The following CMKLR2 variants were observed in gnomAD, a reference collection of about 807,000 sequenced individuals.
The protein encoded by CMKLR2 is chemerin-like receptor 2.
In CMKLR2, 18 loss-of-function variants were observed where a neutral mutation model predicts 23.0. The ratio of observed to expected loss-of-function variants is 0.78; its 90% confidence interval spans 0.54 to 1.16. The LOEUF is 1.16. CMKLR2 is among the 50% of genes most tolerant of loss of function. The pLI, the probability that CMKLR2 is intolerant of heterozygous loss-of-function variation, is 0.00. For synonymous variants in CMKLR2, 158 were observed against 158.9 expected, an observed-to-expected ratio of 0.99 and a Z score of 0.05; for missense variants, 401 against 412.7, an observed-to-expected ratio of 0.97 and a Z score of 0.25.
intron 1 of CMKLR2, among the ~76,000 whole-genome samples, chr2:206,209,499 C>T (rs1241279388): frequency 6.6e-6 from 1 of 152,090 alleles, no homozygotes; most frequent in Admixed American, 6.6e-5. Context: ...TTAAGCCCAG[C>T]ATCCGTTAGC....
At chr2:206,192,287 TA>T (rs555226654) in intron 1 of CMKLR2, among the ~76,000 whole-genome samples, 28 of 147,134 alleles carry the variant, frequency 1.9e-4, no homozygotes, top group African/African-American at 2.5e-4. Flanking sequence ...GCGTTCTCTT[TA>T]AAAAAAAAAA....
At chr2:206,183,569 A>G (rs969732253) in intron 1 of CMKLR2, among the ~76,000 whole-genome samples, 2 of 152,202 alleles carry the variant, frequency 1.3e-5, no homozygotes, top group Non-Finnish European at 2.9e-5. Flanking sequence ...GCAGATGAAC[A>G]CATTAGATTT....
intron 1 of CMKLR2, among the ~76,000 whole-genome samples, chr2:206,201,844 A>G (rs1183269446): frequency 6.6e-6 from 1 of 152,134 alleles, no homozygotes; most frequent in Non-Finnish European, 1.5e-5. Context: ...GAGAGAAACT[A>G]TATCATGTGA....
In CMKLR2 at chr2:206,176,394, C is replaced by G. The variant is rs777891254; in HGVS notation, c.854G>C (p.Gly285Ala). 1 of 1,614,140 alleles carries G rather than the reference C, an allele frequency of 6.2e-7. No individual in the cohort carries two copies. The highest frequency in any genetic ancestry group is 8.5e-7 in the Non-Finnish European group (1 of 1,180,036). ...TGCCAAACCAGTGGAGAGGGGGATT[C>G]CAGCCTGCATCACATGGTGGGAATA... ...NSYSHHVMQA[G>A]IPLSTGLAFL... The change falls in exon 2 of 2, where the codon GGA (glycine) becomes GCA (alanine). Residue 285 changes from glycine to alanine, a missense_variant. Physicochemically the swap from Gly to Ala is moderately conservative, Grantham distance 60 (BLOSUM62 0). Coordinates refer to ENST00000621141, the MANE Select transcript of CMKLR2 (RefSeq NM_001389445.1).
rs113627733 is a variant in CMKLR2 at position 206,196,939 on chromosome 2, T to C, written c.-29+16368A>G. 6.5e-3 allele frequency among the ~76,000 whole-genome samples: 991 copies of C among 152,134 alleles called. 15 individuals carry two copies. Among genetic ancestry groups the C allele is most frequent in the African/African-American group, 0.023 (947 of 41,502 alleles). ...TTTGTTTGTTTTTTAGACCAAGTCT[T>C]GCTCTGTTGCCTTGGCTGGAGTGCA... On this transcript the variant is annotated intron_variant, in intron 1 of 1. Coordinates refer to ENST00000621141, the MANE Select transcript of CMKLR2 (RefSeq NM_001389445.1).
intron 1 of CMKLR2, among the ~76,000 whole-genome samples, chr2:206,201,212 T>G (rs1029914023): frequency 4.6e-5 from 7 of 152,162 alleles, no homozygotes; most frequent in African/African-American, 1.7e-4. Flanking sequence ...GTGCTGGGAT[T>G]ATAGGTGTGA....
chr2:206,191,120 G>A (rs1158248635), intron 1 of CMKLR2, among the ~76,000 whole-genome samples: 1 of 152,188 alleles, frequency 6.6e-6, no homozygotes, highest in Non-Finnish European at 1.5e-5. Flanking sequence ...GAATTAGACT[G>A]CCTGCTCTCA....
chr2:206,214,280 T>A (rs555106849), upstream of CMKLR2, among the ~76,000 whole-genome samples: 74 of 151,246 alleles, frequency 4.9e-4, 1 homozygote, highest in African/African-American at 1.6e-3. Flanking sequence ...CAAGGAATTA[T>A]CCTGCGTCAG....
At chr2:206,182,713 C>T (rs539836346) in intron 1 of CMKLR2, among the ~76,000 whole-genome samples, 27 of 152,062 alleles carry the variant, frequency 1.8e-4, no homozygotes, top group South Asian at 1.2e-3. Flanking sequence ...CTTTGTCCCC[C>T]GAGTTCAAGT....
intron 1 of CMKLR2, 92 bp from the exon 2 acceptor site, chr2:206,177,367 AGG>A: frequency 3.1e-6 from 2 of 650,166 alleles, no homozygotes; most frequent in Non-Finnish European, 5.3e-6. Context: ...AAAATATTTC[AGG>A]TTATGGACCA....
intron 1 of CMKLR2, among the ~76,000 whole-genome samples, chr2:206,191,329 A>G (rs1688740098): frequency 2.0e-5 from 3 of 152,192 alleles, no homozygotes; most frequent in Non-Finnish European, 4.4e-5. Flanking sequence ...AATTGTAGGT[A>G]TTGATCATTA....
intron 1 of CMKLR2, among the ~76,000 whole-genome samples, chr2:206,185,283 GC>G (rs1688544704): frequency 6.6e-6 from 1 of 152,198 alleles, no homozygotes; most frequent in African/African-American, 2.4e-5. Flanking sequence ...ACTGCACCCA[GC>G]CTGGTTTTAG....
At chr2:206,196,724 G>A (rs1036564329) in intron 1 of CMKLR2, among the ~76,000 whole-genome samples, 2 of 152,004 alleles carry the variant, frequency 1.3e-5, no homozygotes, top group East Asian at 1.9e-4. Flanking sequence ...TTAGTACTAC[G>A]TCAGAAGTCC....
chr2:206,176,823 G>T lies in CMKLR2; in HGVS notation c.425C>A (p.Pro142His), dbSNP rs769016501. 13 of 1,614,138 alleles carry T rather than the reference G, an allele frequency of 8.1e-6. No homozygotes were observed. The highest frequency in any genetic ancestry group is 1.1e-5 in the Non-Finnish European group (13 of 1,180,018). Residue 142 changes from proline to histidine, a missense_variant, in exon 2 of 2, where the codon CCT becomes CAT. Transcript: ENST00000621141. ...GGTTCGATGCCGATGAGATAAGACAGGATGGATCAAGTGGATATAGTGGTC... is the reference window on the plus strand; with the variant it reads ...GGTTCGATGCCGATGAGATAAGACATGATGGATCAAGTGGATATAGTGGTC... ...SLDHYIHLIH[P>H]VLSHRHRTLK...
chr2:206,178,605 C>T (rs1688303754), intron 1 of CMKLR2, among the ~76,000 whole-genome samples: 1 of 151,936 alleles, frequency 6.6e-6, no homozygotes, highest in Admixed American at 6.6e-5. Context: ...TAATTTATGA[C>T]AAAGATTAGA....
chr2:206,209,154 A>G (rs1409893319), intron 1 of CMKLR2, among the ~76,000 whole-genome samples: 4 of 152,018 alleles, frequency 2.6e-5, no homozygotes, highest in African/African-American at 9.7e-5. Flanking sequence ...CCTGGCCAAC[A>G]TGGTGAAACT....
chr2:206,214,860 C>T (rs533539761), upstream of CMKLR2, among the ~76,000 whole-genome samples: 158 of 151,732 alleles, frequency 1.0e-3, no homozygotes, highest in Non-Finnish European at 1.8e-3. Context: ...CTCCTGACCT[C>T]GTGATCCGCC....
chr2:206,193,600 C>A (rs745416967), intron 1 of CMKLR2, among the ~76,000 whole-genome samples: 1 of 152,186 alleles, frequency 6.6e-6, no homozygotes, highest in Non-Finnish European at 1.5e-5. Flanking sequence ...CTAAAGCTTG[C>A]ATCCTCTTTA....
intron 1 of CMKLR2, among the ~76,000 whole-genome samples, chr2:206,187,647 TAAGA>T (rs1043072773): frequency 4.6e-5 from 7 of 152,230 alleles, no homozygotes; most frequent in Admixed American, 2.0e-4. Context: ...TTTGGTGGGA[TAAGA>T]AAGAAAGGAC....
Sources: gnomAD v4.1 joint callset for allele counts (sites outside exome capture counted in the v4.1 genomes callset) on GRCh38, gnomAD v4.1.1 for gene constraint, MANE v1.5 for transcripts, NCBI Gene and HGNC (gene_info 2026-07-23, HGNC 2026-07-21) for gene names.